The following EVC2 variants were observed in gnomAD, a reference collection of about 807,000 sequenced individuals.
The protein encoded by EVC2 is EvC ciliary complex subunit 2, also known as limbin.
Under a neutral mutation model 149.3 loss-of-function variants are expected in EVC2, and 148 were observed. The observed-to-expected ratio is 0.99, with a 90% CI of 0.87 to 1.14. EVC2 has a LOEUF of 1.14. EVC2 is among the 50% of genes most tolerant of loss of function. The pLI is 0.00. For missense variants in EVC2, 1,854 were observed against 1,627.3 expected, an observed-to-expected ratio of 1.14 and a Z score of -2.40; for synonymous variants, 776 against 649.9, an observed-to-expected ratio of 1.19 and a Z score of -2.95.
chr4:5,631,696 T>C, intron 11 of EVC2, 97 bp downstream of exon 11: 1 of 1,532,782 alleles, frequency 6.5e-7, no homozygotes, highest in Non-Finnish European at 8.9e-7. Context: ...TAGTGCACAG[T>C]ACAAAGGAGA....
At chr4:5,661,569 G>A (rs980199449) in intron 9 of EVC2, among the ~76,000 whole-genome samples, 1 of 152,064 alleles carries the variant, frequency 6.6e-6, no homozygotes, top group Non-Finnish European at 1.5e-5. Flanking sequence ...TTTTGTTTGA[G>A]AGTAAATAAA....
intron 14 of EVC2, among the ~76,000 whole-genome samples, chr4:5,619,494 C>G (rs1443550881): frequency 6.6e-6 from 1 of 152,162 alleles, no homozygotes; most frequent in Non-Finnish European, 1.5e-5. Context: ...AGGTATGGAA[C>G]AGATTCTCCC....
chr4:5,560,648 A>G (rs575887780), downstream of EVC2, among the ~76,000 whole-genome samples: 4 of 152,192 alleles, frequency 2.6e-5, no homozygotes, highest in Admixed American at 1.3e-4. This position sits in a 1 kb window ranked among gnomAD's most constrained non-coding sequence, Gnocchi z 4.1. Flanking sequence ...GAGCCAAACC[A>G]TATCAGATGG....
Position 5,615,405 on chromosome 4 carries a change from G to A in EVC2, c.2829+17C>T, listed in dbSNP as rs1477968886. 2.5e-6 allele frequency: 4 copies of A among 1,614,184 alleles called. No individual in the cohort carries two copies. The highest frequency in any genetic ancestry group is 1.1e-5 in the South Asian group (1 of 91,084). On this transcript the variant is annotated intron_variant, in intron 16 of 21. Transcript: ENST00000344408. ...CATGTGCAGAGAGAAACAGCTGGGT[G>A]AAGCAGATGTACTGACCTTTTCCAC... is the stretch of plus-strand genomic sequence containing the variant.
chr4:5,575,602 A>T (rs1722878662), intron 18 of EVC2, among the ~76,000 whole-genome samples: 2 of 152,238 alleles, frequency 1.3e-5, no homozygotes, highest in African/African-American at 4.8e-5. Context: ...TGCAAAAATT[A>T]ACCACGCTGT....
intron 9 of EVC2, among the ~76,000 whole-genome samples, chr4:5,659,404 T>TG (rs1718736043): frequency 7.5e-6 from 1 of 133,626 alleles, no homozygotes; most frequent in Non-Finnish European, 1.6e-5. Flanking sequence ...ATGCTATAAT[T>TG]GAAAAAAAAA....
At position 5,584,612 on chromosome 4, in the gene EVC2, C is replaced by A. The variant is rs544366943; in HGVS notation, c.3057+11G>T. The A allele has an allele frequency of 6.2e-7, 1 of 1,611,074 alleles. No individual in the cohort carries two copies. Among genetic ancestry groups the A allele is most frequent in the East Asian group, 2.2e-5 (1 of 44,768 alleles). Reference sequence around the variant, plus strand: ...CTCTGTCCCCCTCTCCTTCCCAGCGCCTGCACTCACCCGGCTGTGCGACTC... The same window carrying A: ...CTCTGTCCCCCTCTCCTTCCCAGCGACTGCACTCACCCGGCTGTGCGACTC... On this transcript the variant is annotated intron_variant, in intron 17 of 21. Transcript: ENST00000344408.
intron 5 of EVC2, among the ~76,000 whole-genome samples, chr4:5,685,879 C>A (rs941320646): frequency 6.6e-6 from 1 of 152,192 alleles, no homozygotes; most frequent in Non-Finnish European, 1.5e-5. Flanking sequence ...GAGGCCTTCG[C>A]CTGATGTGGC....
Position 5,677,682 on chromosome 4 carries a change from C to T in EVC2, c.870+3578G>A, listed in dbSNP as rs547686662. 3.9e-5 allele frequency among the ~76,000 whole-genome samples: 6 copies of T among 152,336 alleles called. No individual in the cohort carries two copies. The East Asian group carries it at 1.2e-3, about 29-fold the overall frequency. On this transcript the variant is annotated intron_variant, in intron 7 of 21. Transcript: ENST00000344408. This position sits in a 1 kb window ranked among gnomAD's most constrained non-coding sequence, Gnocchi z 4.3. ...ATTACACTCATACAGCAACCAGCCA[C>T]CTCCTCCTCCTGAGCAGCAATCATC... is the stretch of plus-strand genomic sequence containing the variant.
At chr4:5,620,170 C>T (rs1327754742) in intron 14 of EVC2, among the ~76,000 whole-genome samples, 6 of 152,176 alleles carry the variant, frequency 3.9e-5, no homozygotes, top group Non-Finnish European at 7.3e-5. Context: ...ATTTTTAAAG[C>T]AACCTTTGGA....
intron 7 of EVC2, among the ~76,000 whole-genome samples, chr4:5,676,949 G>A (rs548329657): frequency 3.3e-5 from 5 of 152,014 alleles, no homozygotes; most frequent in Non-Finnish European, 5.9e-5. Context: ...CTAGCATCTC[G>A]CACTGAGCCT....
intron 1 of EVC2, among the ~76,000 whole-genome samples, chr4:5,705,732 A>G (rs1436890010): frequency 2.6e-5 from 4 of 152,076 alleles, no homozygotes; most frequent in Admixed American, 2.6e-4. Context: ...GGAAAACCCC[A>G]TCGCACAATT....
Position 5,694,419 on chromosome 4 carries a change from T to C in EVC2, c.366A>G (p.Pro122=), listed in dbSNP as rs755165323. The C allele has an allele frequency of 6.2e-7, 1 of 1,614,174 alleles. No homozygotes were observed. The highest frequency in any genetic ancestry group is 2.2e-5 in the East Asian group (1 of 44,880). The change falls in exon 3 of 22, where the codon CCA becomes CCG. Residue 122 remains proline (P), a synonymous_variant. Transcript: ENST00000344408. ...PLSTSAASSG[P]WAHSLFAFIP... ...TAAAAGCAAATAAGGAATGAGCCCA[T>C]GGCCCACTAGAGGCTGCAGAAGTTG...
chr4:5,560,183 C>T (rs536849085), downstream of EVC2, among the ~76,000 whole-genome samples: 2 of 152,018 alleles, frequency 1.3e-5, no homozygotes, highest in East Asian at 3.9e-4. This position sits in a 1 kb window ranked among gnomAD's most constrained non-coding sequence, Gnocchi z 4.1. Context: ...TCCTCTCAAG[C>T]CAAGTTCCTT....
intron 21 of EVC2, among the ~76,000 whole-genome samples, chr4:5,564,715 C>G (rs910207576): frequency 2.6e-5 from 4 of 152,222 alleles, no homozygotes; most frequent in Non-Finnish European, 5.9e-5. Context: ...GACCACTCTG[C>G]CCCTCACTTC....
chr4:5,662,514 A>G, intron 9 of EVC2, among the ~76,000 whole-genome samples: 1 of 141,780 alleles, frequency 7.1e-6, no homozygotes, highest in African/African-American at 2.6e-5. Context: ...ATTAAATATA[A>G]TATTAATATT....
intron 17 of EVC2, among the ~76,000 whole-genome samples, chr4:5,584,145 A>G (rs888116048): frequency 6.6e-6 from 1 of 151,974 alleles, no homozygotes; most frequent in African/African-American, 2.4e-5. Context: ...TAAAATCTAC[A>G]CATAAAAGAC....
rs747661402 is a variant in EVC2, at chr4:5,694,534, T to C, written c.284-33A>G. On this transcript the variant is annotated intron_variant, in intron 2 of 21. Coordinates refer to ENST00000344408, the MANE Select transcript of EVC2 (RefSeq NM_147127.5). The stretch of plus-strand genomic sequence containing the variant: ...ACAACAACACACCCGTTTTATATAA[T>C]GCGGAAAGACAGTAAGACATAGAAC... 3.1e-6 allele frequency: 5 copies of C among 1,613,854 alleles called. No individual in the cohort carries two copies. The South Asian group carries it at 5.5e-5, about 18-fold the overall frequency.
rs1479577183 is a variant in EVC2, at chr4:5,622,843, G to A, written c.2195C>T (p.Ala732Val). ...EELQERLDQA[A>V]LDDLRTLTLS... ...GGTCAGGGTCCTGAGATCGTCCAGGGCGGCCTGGTCCAGACGCTCCTGCAG... is the reference window on the plus strand; with the variant it reads ...GGTCAGGGTCCTGAGATCGTCCAGGACGGCCTGGTCCAGACGCTCCTGCAG... The change falls in exon 14 of 22, where the codon GCC becomes GTC. Residue 732 changes from alanine (A) to valine (V), a missense_variant. Transcript: ENST00000344408. The surrounding 1 kb of genome is among the most constrained non-coding windows in gnomAD (Gnocchi z 5.8). 6.2e-7 allele frequency: 1 copy of A among 1,614,080 alleles called. No homozygotes were observed. Among genetic ancestry groups the A allele is most frequent in the East Asian group, 2.2e-5 (1 of 44,854 alleles).
Sources: gnomAD v4.1 joint callset for allele counts (sites outside exome capture counted in the v4.1 genomes callset) on GRCh38, gnomAD v4.1.1 for gene constraint, Gnocchi (gnomAD v3.1) non-coding constraint, MANE v1.5 for transcripts, NCBI Gene and HGNC (gene_info 2026-07-23, HGNC 2026-07-21) for gene names.